EHMT1: variants seen among roughly 807,000 people sequenced by gnomAD.
EHMT1 encodes histone-lysine N-methyltransferase EHMT1.
In EHMT1, 15 loss-of-function variants were observed where a neutral mutation model predicts 147.2. The ratio of observed to expected loss-of-function variants is 0.10; its 90% CI spans 0.07 to 0.16. The LOEUF (loss-of-function observed/expected upper bound fraction) is 0.16. Ranked by LOEUF, EHMT1 falls within the 10% of genes least tolerant of loss-of-function variation. The probability of loss-of-function intolerance (pLI) is 1.00; values close to 1 mark genes in which losing one functional copy is unlikely to be tolerated. For synonymous variants in EHMT1, 795 were observed against 709.6 expected, an observed-to-expected ratio of 1.12 and a Z score of -1.91; for missense variants, 1,587 against 1,772.4, an observed-to-expected ratio of 0.90 and a Z score of 1.88.
At position 137,834,955 on chromosome 9, in the gene EHMT1, A is replaced by C; in HGVS notation, c.*2A>C. On this transcript the variant is annotated 3_prime_UTR_variant, in exon 27 of 27. Transcript: ENST00000460843. ...GCGGCTGCCGCCGACCCCCTATGAG[A>C]CGCCGCCGGCCAGCGGGGCGCTCGG... 7.0e-7 allele frequency: 1 copy of C among 1,432,964 alleles called. No homozygotes were observed. Among genetic ancestry groups the C allele is most frequent in the East Asian group, 2.8e-5 (1 of 36,308 alleles). The allele number at this position is 1,432,964 out of a possible 1,614,324, so 88.8% of individuals were successfully genotyped here.
At chr9:137,806,410 G>C (rs1265873868) in intron 18 of EHMT1, among the ~76,000 whole-genome samples, 1 of 151,244 alleles carries the variant, frequency 6.6e-6, no homozygotes, top group African/African-American at 2.4e-5. Flanking sequence ...CTTTTCTGTG[G>C]TGTTGGTCTG....
chr9:137,779,757 C>G, intron 14 of EHMT1, 40 bp downstream of exon 14: 1 of 1,606,118 alleles, frequency 6.2e-7, no homozygotes, highest in Non-Finnish European at 8.5e-7. Flanking sequence ...GCAGCCGGCC[C>G]TGTGGCACTG....
chr9:137,799,842 G>T (rs893987669), intron 17 of EHMT1, among the ~76,000 whole-genome samples: 2 of 152,222 alleles, frequency 1.3e-5, no homozygotes, highest in African/African-American at 4.8e-5. Flanking sequence ...GCGCCCAGAG[G>T]TCGGAGCCCC....
Position 137,712,385 on chromosome 9 carries a change from C to T in EHMT1, c.85+1355C>T, listed in dbSNP as rs140383276. Reference sequence around the variant, plus strand: ...CCCTGGGGGAACTGCTGGACCCCCACGGTGGCTGCCCCATCTTGCTTTCCC... The same window carrying T: ...CCCTGGGGGAACTGCTGGACCCCCATGGTGGCTGCCCCATCTTGCTTTCCC... On this transcript the variant is annotated intron_variant, in intron 2 of 26. Transcript: ENST00000460843. 5.8e-4 allele frequency among the ~76,000 whole-genome samples: 88 copies of T among 152,312 alleles called. No individual in the cohort carries two copies. The East Asian group carries it at 0.015, about 26-fold the overall frequency.
chr9:137,800,611 G>T, intron 17 of EHMT1: 1 of 521,508 alleles, frequency 1.9e-6, no homozygotes, highest in East Asian at 3.4e-5. Flanking sequence ...ACTGGGAGCG[G>T]GCAAGGCCGA....
intron 4 of EHMT1, among the ~76,000 whole-genome samples, chr9:137,729,775 C>T (rs1946946163): frequency 6.6e-6 from 1 of 151,908 alleles, no homozygotes; most frequent in South Asian, 2.1e-4. Flanking sequence ...CCCTTTTATC[C>T]CTGAAAACTA....
At chr9:137,790,795 G>A (rs1041959125) in intron 15 of EHMT1, 53 bp from the exon 16 acceptor site, 2 of 1,614,026 alleles carry the variant, frequency 1.2e-6, no homozygotes, top group Non-Finnish European at 8.5e-7. Flanking sequence ...CTTCTCCCCA[G>A]GCGGTGGCTA....
intron 1 of EHMT1, among the ~76,000 whole-genome samples, chr9:137,691,063 A>C (rs536735695): frequency 1.0e-3 from 152 of 152,232 alleles, no homozygotes; most frequent in African/African-American, 3.5e-3. Context: ...CATCATTTCA[A>C]GCTGAAACTC....
At chr9:137,774,664 C>T (rs892247443) in intron 10 of EHMT1, among the ~76,000 whole-genome samples, 2 of 140,748 alleles carry the variant, frequency 1.4e-5, no homozygotes, top group Non-Finnish European at 3.0e-5. Flanking sequence ...TGGATGTGGT[C>T]GCGCCTGGCC....
At chr9:137,823,320 G>T (rs542312338) in intron 25 of EHMT1, among the ~76,000 whole-genome samples, 2 of 151,264 alleles carry the variant, frequency 1.3e-5, no homozygotes, top group South Asian at 4.2e-4. Context: ...GGATGGTCTC[G>T]ATCTCCTGAC....
At chr9:137,667,721 G>T (rs1189150316) in intron 1 of EHMT1, among the ~76,000 whole-genome samples, 1 of 152,176 alleles carries the variant, frequency 6.6e-6, no homozygotes, top group Non-Finnish European at 1.5e-5. Flanking sequence ...AGAAGTTTTG[G>T]TGTGTTTTCT....
intron 1 of EHMT1, among the ~76,000 whole-genome samples, chr9:137,708,056 A>G (rs77009145): frequency 0.01 from 1,542 of 152,362 alleles, 9 homozygotes; most frequent in Middle Eastern, 0.017. Context: ...TAAAAATCAC[A>G]TTTTTAAAAA....
At chr9:137,693,471 C>T (rs981998768) in intron 1 of EHMT1, among the ~76,000 whole-genome samples, 3 of 152,202 alleles carry the variant, frequency 2.0e-5, no homozygotes, top group South Asian at 2.1e-4. Flanking sequence ...ACCAAGGTTA[C>T]GCATCTCATT....
chr9:137,712,873 T>G (rs564332558), intron 2 of EHMT1, among the ~76,000 whole-genome samples: 6 of 152,172 alleles, frequency 3.9e-5, no homozygotes, highest in Admixed American at 3.9e-4. Context: ...GTCACAAACA[T>G]TTACATTTAT....
At chr9:137,673,881 G>A (rs1940951370) in intron 1 of EHMT1, among the ~76,000 whole-genome samples, 1 of 152,172 alleles carries the variant, frequency 6.6e-6, no homozygotes, top group South Asian at 2.1e-4. Flanking sequence ...TAGCCTCCCG[G>A]AGCCAATACT....
At chr9:137,728,304 C>T (rs946442474) in intron 3 of EHMT1, 45 bp from the exon 4 acceptor site, 1 of 1,612,648 alleles carries the variant, frequency 6.2e-7, no homozygotes, top group African/African-American at 1.3e-5. Flanking sequence ...TTTCAGTGAC[C>T]ACCTGCTTAT....
intron 25 of EHMT1, among the ~76,000 whole-genome samples, chr9:137,833,429 C>T (rs528129240): frequency 1.3e-5 from 2 of 152,372 alleles, no homozygotes; most frequent in East Asian, 3.9e-4. Flanking sequence ...AGGCAGGGTG[C>T]TGCTGAGCCC....
chr9:137,658,273 C>T (rs1938694397), intron 1 of EHMT1, among the ~76,000 whole-genome samples: 1 of 152,122 alleles, frequency 6.6e-6, no homozygotes, highest in Non-Finnish European at 1.5e-5. Flanking sequence ...GCCTCAGCCT[C>T]CTGAGTAGCT....
chr9:137,711,566 G>C (rs1471124863), intron 2 of EHMT1, among the ~76,000 whole-genome samples: 1 of 152,210 alleles, frequency 6.6e-6, no homozygotes. Flanking sequence ...TTGGAGAACA[G>C]CAGTGGTTAC....
Sources: gnomAD v4.1 joint callset for allele counts (sites outside exome capture counted in the v4.1 genomes callset) on GRCh38, gnomAD v4.1.1 for gene constraint, MANE v1.5 for transcripts, NCBI Gene and HGNC (gene_info 2026-07-23, HGNC 2026-07-21) for gene names.